The following PCDHGA6 variants were observed in gnomAD, a reference collection of about 807,000 sequenced individuals.
The protein encoded by PCDHGA6 is protocadherin gamma subfamily A, 6.
In PCDHGA6, 41 loss-of-function variants were observed where a neutral mutation model predicts 60.6. That is an observed-to-expected ratio of 0.68 (90% CI 0.53 to 0.88). The LOEUF is 0.88. Ranked by LOEUF, PCDHGA6 falls within the 40% of genes least tolerant of loss-of-function variation. The pLI is 0.00. For synonymous variants in PCDHGA6, 594 were observed against 524.4 expected, an observed-to-expected ratio of 1.13 and a Z score of -1.81; for missense variants, 1,312 against 1,203.0, an observed-to-expected ratio of 1.09 and a Z score of -1.34.
chr5:141,384,503 A>G lies in PCDHGA6; in HGVS notation c.2424+7996A>G, dbSNP rs761415530. 6 of 1,614,192 alleles carry G rather than the reference A, an allele frequency of 3.7e-6. No homozygotes were observed. The highest frequency in any genetic ancestry group is 5.1e-6 in the Non-Finnish European group (6 of 1,180,018). ...GAACTACAACTAAGAGTGACTGCAC[A>G]TGACAGCGGGGACCCGCCTCTCAGC... On this transcript the variant is annotated intron_variant, in intron 1 of 3. Transcript: ENST00000517434.
At position 141,477,115 on chromosome 5, in the gene PCDHGA6, A is replaced by T. The variant is rs1218111107; in HGVS notation, c.2425-17692A>T. On this transcript the variant is annotated intron_variant, in intron 1 of 3. Coordinates refer to ENST00000517434, the MANE Select transcript of PCDHGA6 (RefSeq NM_018919.3). The surrounding 1 kb of genome is among the most constrained non-coding windows in gnomAD (Gnocchi z 4.9). Reference sequence around the variant, plus strand: ...AAGACAAGGGCGCCAATCCCGAAGGAGCACATTGCAAAGTGTTGGTGGAGG... The same window carrying T: ...AAGACAAGGGCGCCAATCCCGAAGGTGCACATTGCAAAGTGTTGGTGGAGG... The T allele has an allele frequency of 6.2e-7, 1 of 1,614,230 alleles. No individual in the cohort carries two copies. Among genetic ancestry groups the T allele is most frequent in the Non-Finnish European group, 8.5e-7 (1 of 1,180,038 alleles).
At chr5:141,389,539 AC>A (rs750868475) in intron 1 of PCDHGA6, 1 of 1,613,100 alleles carries the variant, frequency 6.2e-7, no homozygotes, top group African/African-American at 1.3e-5. Context: ...TTAGTGGACG[AC>A]CGCAACGACA....
rs780268305 is a variant in PCDHGA6, at chr5:141,410,637, T to G, written c.2424+34130T>G. 1.9e-6 allele frequency: 3 copies of G among 1,599,938 alleles called. No homozygotes were observed. In the South Asian group the frequency reaches 3.3e-5, roughly 18 times the overall value. ...CTGACTTCGGTGAGTTTCTCTTTTT[T>G]GTGTGTGATTTATCTAATAGTCTAC... On this transcript the variant is annotated intron_variant, in intron 1 of 3. Transcript: ENST00000517434.
chr5:141,435,296 T>A (rs545583818), intron 1 of PCDHGA6, among the ~76,000 whole-genome samples: 44 of 152,328 alleles, frequency 2.9e-4, no homozygotes, highest in African/African-American at 9.9e-4. Context: ...AGTCATTTCA[T>A]GGTTTTAAAT....
chr5:141,505,960 G>A (rs2099849410), intron 3 of PCDHGA6, among the ~76,000 whole-genome samples: 1 of 152,202 alleles, frequency 6.6e-6, no homozygotes, highest in Non-Finnish European at 1.5e-5. Context: ...AGTGGGTGTA[G>A]AAATCCCCAG....
chr5:141,404,877 T>A (rs1242099855), intron 1 of PCDHGA6: 2 of 1,613,738 alleles, frequency 1.2e-6, no homozygotes, highest in Non-Finnish European at 1.7e-6. Flanking sequence ...AAACAGAGCC[T>A]TGTGGTGGCT....
At chr5:141,414,496 C>T in intron 1 of PCDHGA6, 7 of 1,613,956 alleles carry the variant, frequency 4.3e-6, no homozygotes, top group Middle Eastern at 1.6e-4. Flanking sequence ...AACGGAAGCT[C>T]ACTTTATGCT....
rs189408749 is a variant in PCDHGA6 at position 141,383,405 on chromosome 5, G to T, written c.2424+6898G>T. On this transcript the variant is annotated intron_variant, in intron 1 of 3. Transcript: ENST00000517434. ...GATGTGGGCACGAACTCCCTCCAGAGTTACCAGCTCAGCCCCAATCGCCAC... is the reference window on the plus strand; with the variant it reads ...GATGTGGGCACGAACTCCCTCCAGATTTACCAGCTCAGCCCCAATCGCCAC... The T allele has an allele frequency of 1.2e-4, 200 of 1,613,898 alleles. No individual in the cohort carries two copies. Among genetic ancestry groups the T allele is most frequent in the South Asian group, 4.4e-5 (4 of 91,084 alleles).
intron 1 of PCDHGA6, chr5:141,422,550 G>A: frequency 6.2e-7 from 1 of 1,613,978 alleles, no homozygotes; most frequent in Non-Finnish European, 8.5e-7. Flanking sequence ...ATGTCTGGCT[G>A]AATGTGGCAG....
chr5:141,403,068 C>T, intron 1 of PCDHGA6: 1 of 1,614,064 alleles, frequency 6.2e-7, no homozygotes, highest in South Asian at 1.1e-5. Flanking sequence ...CCTGAAGAGA[C>T]AGAAAAGGGC....
intron 1 of PCDHGA6, among the ~76,000 whole-genome samples, chr5:141,455,250 A>C (rs1016027355): frequency 2.0e-5 from 3 of 152,172 alleles, no homozygotes; most frequent in Non-Finnish European, 2.9e-5. Flanking sequence ...GTCATAGTAC[A>C]ATCGCATTTC....
At chr5:141,406,515 T>C (rs2094818414) in intron 1 of PCDHGA6, among the ~76,000 whole-genome samples, 1 of 152,234 alleles carries the variant, frequency 6.6e-6, no homozygotes, top group Non-Finnish European at 1.5e-5. Context: ...TGTTTGTGTT[T>C]ACAGATATTT....
At chr5:141,483,648 T>TTGTGTG (rs111458813) in intron 1 of PCDHGA6, among the ~76,000 whole-genome samples, 20,229 of 149,628 alleles carry the variant, frequency 0.14, 2,147 homozygotes, top group African/African-American at 0.31. Context: ...GGGTGTGTGT[T>TTGTGTG]TGTGTGTGTG....
In PCDHGA6 at chr5:141,477,767, A is replaced by G. The variant is rs1178354274; in HGVS notation, c.2425-17040A>G. 6.2e-7 allele frequency: 1 copy of G among 1,613,906 alleles called. No homozygotes were observed. The highest frequency in any genetic ancestry group is 8.5e-7 in the Non-Finnish European group (1 of 1,180,038). On this transcript the variant is annotated intron_variant, in intron 1 of 3. Coordinates refer to ENST00000517434, the MANE Select transcript of PCDHGA6 (RefSeq NM_018919.3). The surrounding 1 kb of genome is among the most constrained non-coding windows in gnomAD (Gnocchi z 4.9). ...GGGCACCCCGGTCCTAGCCACCAAC[A>G]TCAGCGTGAACATATTTGTCACTGA...
At chr5:141,479,823 G>A (rs1208437635) in intron 1 of PCDHGA6, among the ~76,000 whole-genome samples, 1 of 152,172 alleles carries the variant, frequency 6.6e-6, no homozygotes, top group Admixed American at 6.5e-5. Context: ...TACTATCCAA[G>A]GCATGGTATC....
rs36031641 is a variant in PCDHGA6 at position 141,434,771 on chromosome 5, T to TA, written c.2424+58277dup. ...CCCCTGATTCCCCACTTCACACTTCTAAAAAAAAAAAAATTTTTTTTTCTG... is the reference window on the plus strand; with the variant it reads ...CCCCTGATTCCCCACTTCACACTTCTAAAAAAAAAAAAAATTTTTTTTTCTG... On this transcript the variant is annotated intron_variant, in intron 1 of 3. Coordinates refer to ENST00000517434, the MANE Select transcript of PCDHGA6 (RefSeq NM_018919.3). Among the ~76,000 whole-genome samples, 71 of 145,288 alleles carry TA rather than the reference T, an allele frequency of 4.9e-4. 1 individual carries two copies. The highest frequency in any genetic ancestry group is 3.6e-3 in the Middle Eastern group (1 of 278).
At chr5:141,473,501 G>C (rs1053399138) in intron 1 of PCDHGA6, among the ~76,000 whole-genome samples, 7 of 152,188 alleles carry the variant, frequency 4.6e-5, no homozygotes, top group African/African-American at 1.7e-4. Context: ...GGTGTTCTGA[G>C]AGAGCATAAC....
At chr5:141,422,789 T>A (rs776409955) in intron 1 of PCDHGA6, 16 of 1,614,158 alleles carry the variant, frequency 9.9e-6, no homozygotes, top group Non-Finnish European at 1.4e-5. Context: ...CTACAATCCT[T>A]CGACTATGAG....
At chr5:141,382,189 A>G (rs1588915821) in intron 1 of PCDHGA6, among the ~76,000 whole-genome samples, 1 of 152,174 alleles carries the variant, frequency 6.6e-6, no homozygotes, top group African/African-American at 2.4e-5. Flanking sequence ...GGTTCTATAC[A>G]ATCAAAAATT....
Sources: gnomAD v4.1 joint callset for allele counts (sites outside exome capture counted in the v4.1 genomes callset) on GRCh38, gnomAD v4.1.1 for gene constraint, Gnocchi (gnomAD v3.1) non-coding constraint, MANE v1.5 for transcripts, NCBI Gene and HGNC (gene_info 2026-07-23, HGNC 2026-07-21) for gene names.